ARMH3: variants seen among roughly 807,000 people sequenced by gnomAD.
ARMH3 encodes the protein armadillo like helical domain containing 3.
In ARMH3, 60 loss-of-function variants were observed where a neutral mutation model predicts 99.1. The observed-to-expected ratio is 0.61, with a 90% CI of 0.49 to 0.75. The LOEUF (loss-of-function observed/expected upper bound fraction) is 0.75, where lower values mean the gene tolerates loss of function less well. ARMH3 is among the 30% of genes least tolerant of loss of function. ARMH3 has a pLI of 0.00. For synonymous variants in ARMH3, 285 were observed against 292.8 expected (o/e 0.97, Z 0.27); for missense variants, 679 against 843.1 (o/e 0.81, Z 2.41).
intron 5 of ARMH3, among the ~76,000 whole-genome samples, chr10:102,025,872 G>A (rs1322634718): frequency 6.6e-6 from 1 of 151,954 alleles, no homozygotes; most frequent in African/African-American, 2.4e-5. Flanking sequence ...GGGTGGTCTC[G>A]AACTCCTGGG....
intron 23 of ARMH3, among the ~76,000 whole-genome samples, chr10:101,922,427 T>G (rs1363587998): frequency 6.6e-6 from 1 of 152,122 alleles, no homozygotes; most frequent in African/African-American, 2.4e-5. Flanking sequence ...TTAAAAATTA[T>G]TTTTAGTAGA....
At chr10:101,917,481 A>C (rs1270270142) in intron 23 of ARMH3, among the ~76,000 whole-genome samples, 1 of 152,250 alleles carries the variant, frequency 6.6e-6, no homozygotes, top group Non-Finnish European at 1.5e-5. Flanking sequence ...GATGTACCAT[A>C]GTTTATCTGT....
chr10:101,998,395 CCAATGGACTGTTTTATGTT>C (rs1200394853), intron 15 of ARMH3, among the ~76,000 whole-genome samples: 1 of 152,184 alleles, frequency 6.6e-6, no homozygotes, highest in African/African-American at 2.4e-5. Flanking sequence ...TCTGCAGCTC[CCAATGGACTGTTTTATGTT>C]AGGAGTTAGT....
At chr10:101,939,995 G>A in intron 22 of ARMH3, 57 bp from the exon 23 acceptor site, 1 of 1,427,164 alleles carries the variant, frequency 7.0e-7, no homozygotes, top group African/African-American at 1.4e-5. Context: ...ACACAAACAT[G>A]AGGAATGAAG....
intron 2 of ARMH3, 132 bp from the exon 3 acceptor site, chr10:102,033,471 A>G (rs1230110642): frequency 9.1e-6 from 9 of 993,862 alleles, no homozygotes; most frequent in Non-Finnish European, 1.3e-5. Context: ...AGGCTGGAGT[A>G]CAGTGGCGTG....
intron 4 of ARMH3, among the ~76,000 whole-genome samples, chr10:102,032,075 C>T (rs2067144754): frequency 6.6e-6 from 1 of 152,170 alleles, no homozygotes. Flanking sequence ...AATCACTGCC[C>T]TAAGTACTCT....
At chr10:102,028,659 A>T (rs1434957550) in intron 5 of ARMH3, among the ~76,000 whole-genome samples, 1 of 152,222 alleles carries the variant, frequency 6.6e-6, no homozygotes, top group South Asian at 2.1e-4. Context: ...ATATGATATG[A>T]TTCCATTTAT....
chr10:102,031,575 C>T (rs2067131937), intron 4 of ARMH3, among the ~76,000 whole-genome samples: 1 of 152,208 alleles, frequency 6.6e-6, no homozygotes, highest in South Asian at 2.1e-4. Context: ...ATAGAATAAA[C>T]ATGGTCCATC....
At chr10:102,034,468 C>CT (rs755504555) in intron 2 of ARMH3, among the ~76,000 whole-genome samples, 6 of 151,836 alleles carry the variant, frequency 4.0e-5, no homozygotes, top group Non-Finnish European at 8.8e-5. Context: ...CACCCCATCT[C>CT]TACTAAAAAT....
chr10:101,898,703 CAT>C (rs935589141), intron 23 of ARMH3, among the ~76,000 whole-genome samples: 35 of 152,196 alleles, frequency 2.3e-4, no homozygotes, highest in African/African-American at 4.8e-4. Context: ...CACACACACA[CAT>C]ATATGTATGT....
intron 23 of ARMH3, among the ~76,000 whole-genome samples, chr10:101,904,002 T>G (rs924363066): frequency 1.3e-5 from 2 of 152,184 alleles, no homozygotes; most frequent in Non-Finnish European, 2.9e-5. Context: ...AGTAGATGGA[T>G]CTCAGCTGTG....
At chr10:102,039,333 C>T (rs1180443825) in intron 2 of ARMH3, among the ~76,000 whole-genome samples, 7 of 151,982 alleles carry the variant, frequency 4.6e-5, no homozygotes, top group African/African-American at 1.2e-4. Flanking sequence ...TTAGTAGAAA[C>T]GGGGTTTCAC....
In ARMH3 at chr10:101,907,573, A is replaced by G. The variant is rs114916239; in HGVS notation, c.1782-18083T>C. 9.3e-3 allele frequency among the ~76,000 whole-genome samples: 1,416 copies of G among 152,100 alleles called. 16 individuals carry two copies. The highest frequency in any genetic ancestry group is 0.03 in the African/African-American group (1,230 of 41,514). On this transcript the variant is annotated intron_variant, in intron 23 of 25. Transcript: ENST00000370033. ...ATTTTTTTGTATTTTTAGTAGAGAC[A>G]GGATTACTCCATTTCAGCCAGGCTG...
At chr10:101,974,913 A>G (rs564703127) in intron 20 of ARMH3, among the ~76,000 whole-genome samples, 7 of 152,230 alleles carry the variant, frequency 4.6e-5, no homozygotes, top group African/African-American at 1.7e-4. Flanking sequence ...ACTCAAAGGA[A>G]GATTTATTGG....
intron 24 of ARMH3, among the ~76,000 whole-genome samples, chr10:101,888,386 C>G (rs1223196450): frequency 6.6e-6 from 1 of 152,110 alleles, no homozygotes; most frequent in East Asian, 1.9e-4. Context: ...ACAAATATGT[C>G]AAAGGGAACA....
At chr10:101,901,067 G>C (rs981780271) in intron 23 of ARMH3, among the ~76,000 whole-genome samples, 2 of 151,676 alleles carry the variant, frequency 1.3e-5, no homozygotes, top group African/African-American at 2.4e-5. Context: ...ATGCCAGTTA[G>C]AGAAAAAGAG....
chr10:101,940,033 TA>T, intron 22 of ARMH3, 95 bp from the exon 23 acceptor site: 1 of 936,118 alleles, frequency 1.1e-6, no homozygotes. Flanking sequence ...ACTCTCAGAA[TA>T]ACCAAACAAA....
At chr10:102,018,180 C>T (rs932841206) in intron 8 of ARMH3, among the ~76,000 whole-genome samples, 1 of 152,142 alleles carries the variant, frequency 6.6e-6, no homozygotes, top group Non-Finnish European at 1.5e-5. Context: ...CCAATGAAGC[C>T]CCCGGTCTTC....
chr10:102,036,683 G>GT (rs1564873799), intron 2 of ARMH3, among the ~76,000 whole-genome samples: 2 of 151,926 alleles, frequency 1.3e-5, no homozygotes, highest in African/African-American at 2.4e-5. Context: ...CAGCAGGCTC[G>GT]TTAAGAGTCA....
Sources: allele counts gnomAD v4.1 joint callset (sites outside exome capture counted in the v4.1 genomes callset), GRCh38; gene constraint gnomAD v4.1.1; transcripts MANE v1.5; gene names NCBI Gene and HGNC (gene_info 2026-07-23, HGNC 2026-07-21).